Variants in DDX60 observed in about 807,000 individuals in gnomAD.
DDX60 encodes DExD/H-box helicase 60.
In DDX60, 165 loss-of-function variants were observed where a neutral mutation model predicts 212.8. The ratio of observed to expected loss-of-function variants is 0.78; its 90% CI spans 0.68 to 0.88. DDX60 has a LOEUF of 0.88. DDX60 is among the 40% of genes least tolerant of loss of function. The pLI is 0.00. For synonymous variants in DDX60, 703 were observed against 685.3 expected (o/e 1.03, Z -0.40); for missense variants, 1,905 against 2,003.9 (o/e 0.95, Z 0.94).
intron 26 of DDX60, among the ~76,000 whole-genome samples, chr4:168,253,085 G>A (rs1171538672): frequency 6.6e-6 from 1 of 152,196 alleles, no homozygotes; most frequent in African/African-American, 2.4e-5. Context: ...TTACAGGCAT[G>A]AGCCACCGTG....
chr4:168,307,939 T>C (rs912197150), intron 4 of DDX60, 67 bp downstream of exon 4: 64 of 906,844 alleles, frequency 7.1e-5, no homozygotes, highest in Non-Finnish European at 9.2e-5. Context: ...AAAATATATA[T>C]ATAATAATTT....
intron 1 of DDX60, among the ~76,000 whole-genome samples, chr4:168,316,541 T>C (rs1370846364): frequency 6.6e-6 from 1 of 152,056 alleles, no homozygotes; most frequent in Admixed American, 6.6e-5. Flanking sequence ...AAAATAATGG[T>C]TTATGGAATC....
intron 7 of DDX60, 86 bp from the exon 8 acceptor site, chr4:168,291,992 C>T (rs1009692156): frequency 3.8e-6 from 3 of 788,762 alleles, no homozygotes; most frequent in Non-Finnish European, 5.6e-6. Context: ...AAGCTGACAG[C>T]TACCTTTGCT....
chr4:168,251,997 C>T (rs952941648), intron 27 of DDX60, among the ~76,000 whole-genome samples: 1 of 152,176 alleles, frequency 6.6e-6, no homozygotes, highest in African/African-American at 2.4e-5. Flanking sequence ...CCAGTTTTAG[C>T]TATTCCAATG....
chr4:168,322,444 T>C (rs1224119059), upstream of DDX60, among the ~76,000 whole-genome samples: 1 of 152,164 alleles, frequency 6.6e-6, no homozygotes, highest in Admixed American at 6.5e-5. Context: ...GCCTCATCAT[T>C]TCTCATCTGG....
intron 9 of DDX60, among the ~76,000 whole-genome samples, chr4:168,287,564 T>G (rs1045752035): frequency 2.0e-5 from 3 of 152,114 alleles, no homozygotes; most frequent in Non-Finnish European, 2.9e-5. Flanking sequence ...ATGAGAAAAT[T>G]GGTAAAGGAT....
intron 19 of DDX60, among the ~76,000 whole-genome samples, chr4:168,270,617 T>C (rs1438348609): frequency 1.3e-5 from 2 of 152,200 alleles, no homozygotes; most frequent in African/African-American, 2.4e-5. Context: ...GTTGTTGGAT[T>C]TTTGAAAACT....
intron 6 of DDX60, among the ~76,000 whole-genome samples, chr4:168,298,750 TGTGGTGATA>T: frequency 6.6e-6 from 1 of 152,200 alleles, no homozygotes; most frequent in South Asian, 2.1e-4. Flanking sequence ...CAAACTACAT[TGTGGTGATA>T]GGGAATCTTC....
intron 1 of DDX60, among the ~76,000 whole-genome samples, chr4:168,317,117 C>T (rs971068798): frequency 6.9e-6 from 1 of 145,470 alleles, no homozygotes; most frequent in African/African-American, 2.5e-5. Flanking sequence ...CTGATCAAAA[C>T]GCTAGTAGTA....
At chr4:168,253,682 C>T (rs1285128393) in intron 26 of DDX60, among the ~76,000 whole-genome samples, 1 of 152,202 alleles carries the variant, frequency 6.6e-6, no homozygotes, top group Non-Finnish European at 1.5e-5. Flanking sequence ...TTCACCTTCC[C>T]TTTCTTGCTT....
At chr4:168,302,237 T>C in intron 6 of DDX60, 63 bp downstream of exon 6, 1 of 770,494 alleles carries the variant, frequency 1.3e-6, no homozygotes, top group Non-Finnish European at 2.0e-6. Context: ...TGTATGATTT[T>C]TGCAACTTTT....
chr4:168,252,195 G>A (rs1028749911), intron 27 of DDX60, among the ~76,000 whole-genome samples: 4 of 152,182 alleles, frequency 2.6e-5, no homozygotes, highest in African/African-American at 9.6e-5. Flanking sequence ...CATTTTCAGA[G>A]GTGAACTGTT....
chr4:168,282,469 A>T (rs1735635934), intron 13 of DDX60, among the ~76,000 whole-genome samples: 1 of 152,152 alleles, frequency 6.6e-6, no homozygotes, highest in Non-Finnish European at 1.5e-5. Context: ...ATATTTTTTG[A>T]GGTCTTTATA....
intron 30 of DDX60, among the ~76,000 whole-genome samples, chr4:168,238,254 A>C (rs28440829): frequency 0.02 from 3,037 of 149,500 alleles, 225 homozygotes; most frequent in East Asian, 0.14. Flanking sequence ...AAAAAAAAAA[A>C]AAAAACCCAG....
rs374415955 is a variant in DDX60 at position 168,306,626 on chromosome 4, C to T, written c.359G>A (p.Arg120Gln). The T allele has an allele frequency of 2.5e-5, 41 of 1,613,854 alleles. No homozygotes were observed. The highest frequency in any genetic ancestry group is 1.7e-4 in the Admixed American group (10 of 59,972). The change falls in exon 5 of 38, where the codon CGA (arginine) becomes CAA (glutamine). Residue 120 changes from arginine (R) to glutamine (Q), a missense_variant. Arg to Gln is a conservative substitution (Grantham distance 43). Coordinates refer to ENST00000393743, the MANE Select transcript of DDX60 (RefSeq NM_017631.6). ...HLQKNTTIDV[R>Q]TTFSRCLSKE... ...TGATAAGCATCTCGAAAATGTTGTT[C>T]GAACATCAATGGTGGTATTCTTCTG...
intron 13 of DDX60, 81 bp from the exon 14 acceptor site, chr4:168,280,671 G>T: frequency 3.5e-6 from 5 of 1,448,290 alleles, no homozygotes; most frequent in South Asian, 2.8e-5. Context: ...CAATATTATG[G>T]GTGTATTGAA....
Position 168,236,359 on chromosome 4 carries a change from A to C in DDX60, c.4426T>G (p.Ser1476Ala). ...QPTRKGSKHF[S>A]QDVMEKLVLV... ...ACTAGCTTTTCCATAACGTCTTGAG[A>C]AAAATGTTTTGAGCCTATATAAAAC... Residue 1476 changes from serine to alanine, a missense_variant, in exon 33 of 38, where the codon TCT becomes GCT. Ser to Ala is a moderately conservative substitution (Grantham distance 99). Transcript: ENST00000393743. 6.2e-7 allele frequency: 1 copy of C among 1,605,064 alleles called. No homozygotes were observed. The highest frequency in any genetic ancestry group is 1.1e-5 in the South Asian group (1 of 89,464).
chr4:168,307,218 A>C (rs367839081), intron 4 of DDX60, among the ~76,000 whole-genome samples: 59 of 152,282 alleles, frequency 3.9e-4, no homozygotes, highest in African/African-American at 1.4e-3. Flanking sequence ...CATGGCTGGC[A>C]AGCATTCAGC....
chr4:168,293,864 A>C lies in DDX60; in HGVS notation c.805T>G (p.Ser269Ala), dbSNP rs757705998. The C allele has an allele frequency of 3.1e-6, 5 of 1,613,974 alleles. No homozygotes were observed. The South Asian group carries it at 5.5e-5, about 18-fold the overall frequency. Reference sequence around the variant, plus strand: ...CGATGGTACATTCTCAAAGATAATGAGCATGAAGTAACACAAAAGACACGC... The same window carrying C: ...CGATGGTACATTCTCAAAGATAATGCGCATGAAGTAACACAAAAGACACGC... ...IRRVFCVTSC[S>A]LSLRMYHRFL... The change falls in exon 7 of 38, where the codon TCA becomes GCA. Residue 269 changes from serine (S) to alanine (A), a missense_variant. By Grantham distance (99) the Ser-to-Ala change is moderately conservative (BLOSUM62 1). Coordinates refer to ENST00000393743, the MANE Select transcript of DDX60 (RefSeq NM_017631.6).
Sources: gnomAD v4.1 joint callset for allele counts (sites outside exome capture counted in the v4.1 genomes callset) on GRCh38, gnomAD v4.1.1 for gene constraint, MANE v1.5 for transcripts, NCBI Gene and HGNC (gene_info 2026-07-23, HGNC 2026-07-21) for gene names.